The following FHIT variants were observed in gnomAD, a reference collection of about 807,000 sequenced individuals.
The protein encoded by FHIT is bis(5'-adenosyl)-triphosphatase.
Under a neutral mutation model 17.9 loss-of-function variants are expected in FHIT, and 19 were observed. The observed-to-expected ratio is 1.06, with a 90% CI of 0.74 to 1.56. The LOEUF is 1.56. FHIT is among the 40% of genes most tolerant of loss of function. The probability of loss-of-function intolerance (pLI) is 0.00; values close to 1 mark genes in which losing one functional copy is unlikely to be tolerated. For missense variants in FHIT, 248 were observed against 189.2 expected, an observed-to-expected ratio of 1.31 and a Z score of -1.82; for synonymous variants, 81 against 69.7, an observed-to-expected ratio of 1.16 and a Z score of -0.81.
chr3:60,401,776 T>A (rs987930162), intron 5 of FHIT, among the ~76,000 whole-genome samples: 1 of 152,160 alleles, frequency 6.6e-6, no homozygotes, highest in African/African-American at 2.4e-5. Flanking sequence ...ACAAAAGCAG[T>A]TGGACAGAAA....
chr3:60,709,328 C>T (rs2041456094), intron 4 of FHIT, among the ~76,000 whole-genome samples: 1 of 152,136 alleles, frequency 6.6e-6, no homozygotes, highest in Admixed American at 6.5e-5. Flanking sequence ...TCTGTTTCTG[C>T]ATTGTGTTGT....
intron 4 of FHIT, among the ~76,000 whole-genome samples, chr3:60,734,782 C>G (rs1398938744): frequency 3.9e-5 from 6 of 152,240 alleles, no homozygotes; most frequent in African/African-American, 1.4e-4. Flanking sequence ...ACTTACCTTA[C>G]CCATTAACTT....
intron 7 of FHIT, among the ~76,000 whole-genome samples, chr3:59,924,989 G>C (rs528020083): frequency 2.0e-5 from 3 of 152,190 alleles, no homozygotes; most frequent in Admixed American, 2.0e-4. Flanking sequence ...TGCATTATGT[G>C]TAGACTCTTT....
intron 5 of FHIT, among the ~76,000 whole-genome samples, chr3:60,335,642 T>A (rs1408576675): frequency 2.6e-5 from 4 of 152,192 alleles, no homozygotes; most frequent in African/African-American, 9.7e-5. Context: ...GTGTTAGATA[T>A]GTCCTGGATT....
intron 5 of FHIT, among the ~76,000 whole-genome samples, chr3:60,514,397 G>C (rs1249022134): frequency 6.6e-6 from 1 of 152,216 alleles, no homozygotes; most frequent in African/African-American, 2.4e-5. Context: ...GCTCCCTCCC[G>C]TGGGGAGTGG....
intron 3 of FHIT, among the ~76,000 whole-genome samples, chr3:60,869,185 C>A (rs1426574202): frequency 6.6e-6 from 1 of 152,138 alleles, no homozygotes; most frequent in Admixed American, 6.6e-5. Context: ...AATCTCCTAA[C>A]CCCCTGTGGA....
At chr3:61,054,325 C>G (rs1223896913) in intron 2 of FHIT, among the ~76,000 whole-genome samples, 1 of 151,510 alleles carries the variant, frequency 6.6e-6, no homozygotes, top group Non-Finnish European at 1.5e-5. Context: ...GATGTCAACT[C>G]AATATAATTT....
chr3:60,678,415 A>G (rs1323857664), intron 4 of FHIT, among the ~76,000 whole-genome samples: 14 of 152,182 alleles, frequency 9.2e-5, no homozygotes, highest in Non-Finnish European at 1.9e-4. Context: ...AGGTCAATTC[A>G]TTGGGTTATA....
intron 5 of FHIT, among the ~76,000 whole-genome samples, chr3:60,156,033 C>A (rs79600328): frequency 6.6e-6 from 1 of 152,046 alleles, no homozygotes; most frequent in African/African-American, 2.4e-5. Context: ...GGAACTGTTT[C>A]CTAGCTTAAA....
chr3:60,022,517 G>A (rs2106740159), intron 5 of FHIT, among the ~76,000 whole-genome samples: 1 of 152,304 alleles, frequency 6.6e-6, no homozygotes, highest in East Asian at 1.9e-4. Flanking sequence ...AGGCAGCAAT[G>A]CTTTGCAATG....
intron 5 of FHIT, among the ~76,000 whole-genome samples, chr3:60,239,971 T>C (rs192532711): frequency 9.2e-5 from 14 of 152,160 alleles, no homozygotes; most frequent in African/African-American, 2.6e-4. Context: ...ACAGGGAAAA[T>C]AGGAATATTA....
At chr3:60,444,588 C>G (rs1314320430) in intron 5 of FHIT, among the ~76,000 whole-genome samples, 23 of 152,130 alleles carry the variant, frequency 1.5e-4, no homozygotes, top group African/African-American at 5.3e-4. Context: ...AGCAAACTAT[C>G]ACAAGGACAA....
chr3:61,043,274 T>C (rs1292207526), intron 2 of FHIT, among the ~76,000 whole-genome samples: 1 of 152,186 alleles, frequency 6.6e-6, no homozygotes, highest in Non-Finnish European at 1.5e-5. Flanking sequence ...CTTTTCCAAC[T>C]GTCTTAGCAA....
chr3:60,824,308 T>C (rs1307742202), intron 3 of FHIT, among the ~76,000 whole-genome samples: 2 of 152,146 alleles, frequency 1.3e-5, no homozygotes, highest in Admixed American at 6.5e-5. Flanking sequence ...TTGCAATAGA[T>C]TGCAGGTAGA....
At chr3:59,952,543 G>A (rs1027552085) in intron 7 of FHIT, among the ~76,000 whole-genome samples, 4 of 152,082 alleles carry the variant, frequency 2.6e-5, no homozygotes, top group Non-Finnish European at 5.9e-5. Context: ...TCGGCTTGTG[G>A]TCTCACCATA....
At chr3:60,464,043 C>A (rs1316094212) in intron 5 of FHIT, among the ~76,000 whole-genome samples, 1 of 152,140 alleles carries the variant, frequency 6.6e-6, no homozygotes, top group Non-Finnish European at 1.5e-5. Flanking sequence ...GAATCATCAT[C>A]ATAACATCCT....
intron 5 of FHIT, among the ~76,000 whole-genome samples, chr3:60,466,780 T>C (rs2032817298): frequency 6.6e-6 from 1 of 151,782 alleles, no homozygotes; most frequent in South Asian, 2.1e-4. Context: ...AGTATTTTGT[T>C]GAGGATTTTT....
At chr3:60,169,691 C>T (rs533264965) in intron 5 of FHIT, among the ~76,000 whole-genome samples, 7 of 152,276 alleles carry the variant, frequency 4.6e-5, no homozygotes, top group African/African-American at 1.7e-4. Context: ...GATTCTTCCA[C>T]ATCTTCAGGA....
chr3:61,175,192 TAACAAAAAAC>T lies in FHIT; in HGVS notation c.-164+25415_-164+25424del, dbSNP rs561868175. Among the ~76,000 whole-genome samples, 1,236 of 151,886 alleles carry T rather than the reference TAACAAAAAAC, an allele frequency of 8.1e-3. 14 individuals carry two copies. Among genetic ancestry groups the T allele is most frequent in the African/African-American group, 0.027 (1,136 of 41,396 alleles). On this transcript the variant is annotated intron_variant, in intron 2 of 9. Transcript: ENST00000492590. ...CACAAAGCACACATTTAAAAAACAA[TAACAAAAAAC>T]AACAAAAATAAGCAACCAAAAATAA...
Sources: allele counts gnomAD v4.1 joint callset (sites outside exome capture counted in the v4.1 genomes callset), GRCh38; gene constraint gnomAD v4.1.1; transcripts MANE v1.5; gene names NCBI Gene and HGNC (gene_info 2026-07-23, HGNC 2026-07-21).